Variants in MSI2 observed in about 807,000 individuals in gnomAD.
MSI2 encodes musashi RNA binding protein 2.
In MSI2, 17 loss-of-function variants were observed where a neutral mutation model predicts 45.6. That is an observed-to-expected ratio of 0.37 (90% CI 0.26 to 0.56). The LOEUF (loss-of-function observed/expected upper bound fraction) is 0.56. MSI2 is among the 20% of genes least tolerant of loss of function. The pLI is 0.77. For synonymous variants in MSI2, 156 were observed against 158.2 expected, an observed-to-expected ratio of 0.99 and a Z score of 0.11; for missense variants, 293 against 444.2, an observed-to-expected ratio of 0.66 and a Z score of 3.06.
intron 6 of MSI2, among the ~76,000 whole-genome samples, chr17:57,505,899 G>A (rs2086217439): frequency 6.6e-6 from 1 of 152,178 alleles, no homozygotes; most frequent in Non-Finnish European, 1.5e-5. Flanking sequence ...TCCTTTGCAG[G>A]TAAAGCAGTT....
chr17:57,498,712 A>G (rs1433091133), intron 6 of MSI2, among the ~76,000 whole-genome samples: 2 of 151,922 alleles, frequency 1.3e-5, no homozygotes, highest in African/African-American at 2.4e-5. Flanking sequence ...GTTGGGGGAA[A>G]TCCCCTAGTT....
At chr17:57,342,881 T>C (rs991928671) in intron 5 of MSI2, among the ~76,000 whole-genome samples, 1 of 152,222 alleles carries the variant, frequency 6.6e-6, no homozygotes, top group Non-Finnish European at 1.5e-5. Flanking sequence ...CCATTATAAG[T>C]CTTACTTACA....
At chr17:57,339,749 TGTCTCCACCCGTGA>T (rs1226823237) in intron 5 of MSI2, among the ~76,000 whole-genome samples, 2 of 152,192 alleles carry the variant, frequency 1.3e-5, no homozygotes, top group African/African-American at 4.8e-5. Context: ...GCTGCTTCTG[TGTCTCCACCCGTGA>T]GTCTCCATCA....
At chr17:57,666,465 G>A (rs968062468) in intron 11 of MSI2, among the ~76,000 whole-genome samples, 1 of 152,240 alleles carries the variant, frequency 6.6e-6, no homozygotes, top group South Asian at 2.1e-4. Context: ...ACAGCTTCTA[G>A]AACTTTGTGC....
chr17:57,446,494 C>T (rs1392104667), intron 6 of MSI2, among the ~76,000 whole-genome samples: 2 of 152,196 alleles, frequency 1.3e-5, no homozygotes, highest in East Asian at 1.9e-4. Flanking sequence ...CTTTGGGGCT[C>T]TCTGCCACTT....
chr17:57,400,967 T>C (rs939869130), intron 5 of MSI2, among the ~76,000 whole-genome samples: 2 of 152,218 alleles, frequency 1.3e-5, no homozygotes, highest in Non-Finnish European at 2.9e-5. Flanking sequence ...GTGCGTACTT[T>C]TGAATCGTGT....
At chr17:57,428,634 A>T (rs1265605449) in intron 6 of MSI2, among the ~76,000 whole-genome samples, 1 of 152,206 alleles carries the variant, frequency 6.6e-6, no homozygotes, top group Non-Finnish European at 1.5e-5. Flanking sequence ...ACCTGTTTTC[A>T]TATTTAGAAT....
At chr17:57,550,466 C>T (rs2087277755) in intron 7 of MSI2, among the ~76,000 whole-genome samples, 1 of 152,352 alleles carries the variant, frequency 6.6e-6, no homozygotes, top group African/African-American at 2.4e-5. Flanking sequence ...CTGTTCCTCA[C>T]ACACTGTGCT....
At chr17:57,667,546 C>A (rs1366221536) in intron 11 of MSI2, among the ~76,000 whole-genome samples, 1 of 152,158 alleles carries the variant, frequency 6.6e-6, no homozygotes, top group East Asian at 1.9e-4. Context: ...CCGCACAGGG[C>A]CCCAGTGACT....
intron 7 of MSI2, among the ~76,000 whole-genome samples, chr17:57,555,137 GC>G (rs1456351081): frequency 6.6e-6 from 1 of 152,178 alleles, no homozygotes; most frequent in Non-Finnish European, 1.5e-5. Context: ...GGGTAATGGT[GC>G]CCAGTTGCTC....
chr17:57,505,466 G>A (rs941016784), intron 6 of MSI2, among the ~76,000 whole-genome samples: 5 of 152,148 alleles, frequency 3.3e-5, no homozygotes, highest in African/African-American at 7.2e-5. Context: ...TTTCCTTGAC[G>A]TGTTTTCCTA....
intron 5 of MSI2, among the ~76,000 whole-genome samples, chr17:57,270,561 A>G (rs981672832): frequency 6.6e-6 from 1 of 152,220 alleles, no homozygotes; most frequent in African/African-American, 2.4e-5. Flanking sequence ...CTTGTTTAGC[A>G]TAGGTAAGTG....
At chr17:57,303,604 T>TATA (rs1437906441) in intron 5 of MSI2, among the ~76,000 whole-genome samples, 2 of 152,192 alleles carry the variant, frequency 1.3e-5, no homozygotes, top group Non-Finnish European at 2.9e-5. Flanking sequence ...TTATTATTAT[T>TATA]GTACAGGAAA....
chr17:57,338,412 A>C (rs1303770031), intron 5 of MSI2, among the ~76,000 whole-genome samples: 3 of 152,216 alleles, frequency 2.0e-5, no homozygotes, highest in Admixed American at 1.3e-4. Flanking sequence ...TTTTTGAGAC[A>C]GTCTTGCTCT....
downstream of MSI2, among the ~76,000 whole-genome samples, chr17:57,687,310 A>G (rs1346131490): frequency 6.6e-6 from 1 of 152,012 alleles, no homozygotes; most frequent in Non-Finnish European, 1.5e-5. Flanking sequence ...CTAGAAAAAA[A>G]GAAATTGATA....
intron 9 of MSI2, among the ~76,000 whole-genome samples, chr17:57,619,384 A>T (rs545869788): frequency 6.6e-6 from 1 of 152,324 alleles, no homozygotes; most frequent in East Asian, 1.9e-4. Context: ...GATGCGTAAC[A>T]TGAATTGCAC....
intron 5 of MSI2, among the ~76,000 whole-genome samples, chr17:57,287,006 G>A (rs959676505): frequency 2.6e-5 from 4 of 151,988 alleles, no homozygotes; most frequent in East Asian, 1.9e-4. Flanking sequence ...ACTGGCTCGC[G>A]CCGCAGAGAG....
intron 5 of MSI2, among the ~76,000 whole-genome samples, chr17:57,351,299 A>G (rs1354408362): frequency 6.6e-6 from 1 of 152,002 alleles, no homozygotes; most frequent in Non-Finnish European, 1.5e-5. Context: ...CAGTAAGGGC[A>G]CTAGCCATGT....
intron 5 of MSI2, among the ~76,000 whole-genome samples, chr17:57,343,455 G>T (rs747146266): frequency 2.6e-5 from 4 of 151,942 alleles, no homozygotes; most frequent in Non-Finnish European, 4.4e-5. Flanking sequence ...TCAATCAGTT[G>T]CTCTCTTTTT....
Sources: gnomAD v4.1 joint callset for allele counts (sites outside exome capture counted in the v4.1 genomes callset) on GRCh38, gnomAD v4.1.1 for gene constraint, MANE v1.5 for transcripts, NCBI Gene and HGNC (gene_info 2026-07-23, HGNC 2026-07-21) for gene names.